Variants in FNIP1 observed in about 807,000 individuals in gnomAD.
FNIP1 encodes folliculin interacting protein 1, also known as folliculin-interacting protein 1.
A neutral mutation model predicts 124.5 loss-of-function variants in FNIP1; 40 were observed. The ratio of observed to expected loss-of-function variants is 0.32; its 90% CI spans 0.25 to 0.42. FNIP1 has a LOEUF of 0.42. FNIP1 is among the 10% of genes least tolerant of loss of function. FNIP1 has a pLI of 1.00. For synonymous variants in FNIP1, 472 were observed against 470.6 expected, an observed-to-expected ratio of 1.00 and a Z score of -0.04; for missense variants, 1,176 against 1,403.7, an observed-to-expected ratio of 0.84 and a Z score of 2.59.
intron 5 of FNIP1, among the ~76,000 whole-genome samples, chr5:131,717,894 C>T (rs1241512790): frequency 6.6e-6 from 1 of 151,892 alleles, no homozygotes; most frequent in Non-Finnish European, 1.5e-5. Flanking sequence ...AAAGGATACC[C>T]CCCATGGCCG....
rs568339188 is a variant in FNIP1, at chr5:131,666,952, GAC to G, written c.3108+3509_3108+3510del. ...AAAGAAAGATAAGAATGCATTAGAAGACACAGAGTGCATTAGAAGAACTCATA... is the reference window on the plus strand; with the variant it reads ...AAAGAAAGATAAGAATGCATTAGAAGACAGAGTGCATTAGAAGAACTCATA... On this transcript the variant is annotated intron_variant, in intron 15 of 17. Transcript: ENST00000510461. Among the ~76,000 whole-genome samples, 155 of 152,216 alleles carry G rather than the reference GAC, an allele frequency of 1.0e-3. 2 individuals are homozygous for G. In the South Asian group the frequency reaches 0.031, roughly 30 times the overall value.
intron 1 of FNIP1, among the ~76,000 whole-genome samples, chr5:131,769,233 CAATA>C (rs1313827360): frequency 6.6e-6 from 1 of 152,064 alleles, no homozygotes; most frequent in African/African-American, 2.4e-5. Context: ...TATTTTAAAA[CAATA>C]ATTAATACTT....
rs1217263380 is a variant in FNIP1, at chr5:131,709,187, G to A, written c.778+14C>T. ...TAATCTCATAAAAAACTGAATACAA[G>A]AACGTGACATTACCAGACCGTGCTA... is the stretch of plus-strand genomic sequence containing the variant. On this transcript the variant is annotated intron_variant, in intron 8 of 17. Coordinates refer to ENST00000510461, the MANE Select transcript of FNIP1 (RefSeq NM_133372.3). 1 of 1,609,088 alleles carries A rather than the reference G, an allele frequency of 6.2e-7. No individual in the cohort carries two copies. Among genetic ancestry groups the A allele is most frequent in the Non-Finnish European group, 8.5e-7 (1 of 1,176,088 alleles).
At chr5:131,655,366 T>C (rs139796195) in intron 15 of FNIP1, among the ~76,000 whole-genome samples, 4 of 152,146 alleles carry the variant, frequency 2.6e-5, no homozygotes, top group African/African-American at 9.6e-5. Context: ...AACAAAAAAA[T>C]GTAGGTAGTA....
chr5:131,731,299 C>T (rs1435795001), intron 2 of FNIP1, among the ~76,000 whole-genome samples: 1 of 152,080 alleles, frequency 6.6e-6, no homozygotes, highest in Non-Finnish European at 1.5e-5. Flanking sequence ...ACGGCCTATA[C>T]GATGTTCATT....
chr5:131,770,310 T>C (rs1771586128), intron 1 of FNIP1, among the ~76,000 whole-genome samples: 1 of 152,200 alleles, frequency 6.6e-6, no homozygotes, highest in African/African-American at 2.4e-5. Flanking sequence ...TTTTAATTTA[T>C]AAACCTCAAT....
At chr5:131,769,992 G>A (rs1029151635) in intron 1 of FNIP1, among the ~76,000 whole-genome samples, 1 of 152,166 alleles carries the variant, frequency 6.6e-6, no homozygotes, top group Non-Finnish European at 1.5e-5. Flanking sequence ...GAGTGCTCAG[G>A]CAACCAATGG....
chr5:131,732,948 T>C (rs1348760504), intron 2 of FNIP1, among the ~76,000 whole-genome samples: 1 of 152,230 alleles, frequency 6.6e-6, no homozygotes, highest in African/African-American at 2.4e-5. Flanking sequence ...ATATTGATTC[T>C]TTCTATCCAT....
rs1394833269 is a variant in FNIP1 at position 131,728,199 on chromosome 5, AT to A, written c.354+2704del. The stretch of plus-strand genomic sequence containing the variant: ...GCAGTATCTTTGTTGTGTTCTCTGT[AT>A]TTCCTGAATTTTAATGTTAGCCTGT... On this transcript the variant is annotated intron_variant, in intron 3 of 17. Transcript: ENST00000510461. 2.0e-5 allele frequency among the ~76,000 whole-genome samples: 3 copies of A among 151,982 alleles called. No homozygotes were observed. In the East Asian group the frequency reaches 5.8e-4, roughly 29 times the overall value.
intron 11 of FNIP1, among the ~76,000 whole-genome samples, chr5:131,688,328 C>A (rs962633407): frequency 6.6e-6 from 1 of 150,814 alleles, no homozygotes; most frequent in Non-Finnish European, 1.5e-5. Context: ...AGTGAGGCTT[C>A]TGGCACCTAC....
At chr5:131,667,721 T>TG (rs1272559323) in intron 15 of FNIP1, among the ~76,000 whole-genome samples, 1 of 152,216 alleles carries the variant, frequency 6.6e-6, no homozygotes. Flanking sequence ...CCCAAGCAGC[T>TG]GGGATTACAG....
At chr5:131,775,674 T>C (rs940272935) in intron 1 of FNIP1, among the ~76,000 whole-genome samples, 5 of 151,780 alleles carry the variant, frequency 3.3e-5, no homozygotes, top group Non-Finnish European at 2.9e-5. Flanking sequence ...ATTGTAGGCG[T>C]CCGCCACCAC....
chr5:131,678,066 G>A (rs1430920444), intron 12 of FNIP1, among the ~76,000 whole-genome samples, 194 bp from the exon 13 acceptor site: 1 of 152,114 alleles, frequency 6.6e-6, no homozygotes, highest in African/African-American at 2.4e-5. Flanking sequence ...TGGTTGAGGA[G>A]GAGTTAAAAA....
chr5:131,693,346 A>ATATATATATG (rs1768574541), intron 11 of FNIP1, among the ~76,000 whole-genome samples: 3 of 131,826 alleles, frequency 2.3e-5, no homozygotes, highest in Non-Finnish European at 3.2e-5. Flanking sequence ...ATATATATAT[A>ATATATATATG]TATATATATA....
At chr5:131,752,354 T>C (rs1241922408) in intron 1 of FNIP1, among the ~76,000 whole-genome samples, 3 of 152,158 alleles carry the variant, frequency 2.0e-5, no homozygotes, top group Admixed American at 6.5e-5. Context: ...TGAATTTGTA[T>C]TCTTTGTTAA....
chr5:131,752,576 C>T (rs1325981456), intron 1 of FNIP1, among the ~76,000 whole-genome samples: 3 of 143,994 alleles, frequency 2.1e-5, no homozygotes, highest in East Asian at 4.0e-4. Flanking sequence ...GATTGGAAGA[C>T]AATATTTGCA....
At chr5:131,666,599 A>C (rs1306794406) in intron 15 of FNIP1, among the ~76,000 whole-genome samples, 1 of 152,194 alleles carries the variant, frequency 6.6e-6, no homozygotes, top group Non-Finnish European at 1.5e-5. Context: ...TTCCCCATCT[A>C]TGTAACTTAA....
In FNIP1 at chr5:131,752,137, C is replaced by T. The variant is rs556464857; in HGVS notation, c.93-7447G>A. Among the ~76,000 whole-genome samples the T allele has an allele frequency of 6.6e-5, 10 of 152,130 alleles. No homozygotes were observed. In the East Asian group the frequency reaches 1.2e-3, roughly 18 times the overall value. ...TGGCTCACTGCAAGCTCCGCCTCTCCGGTTCGCGCCATTCTCCTGCCTCAG... is the reference window on the plus strand; with the variant it reads ...TGGCTCACTGCAAGCTCCGCCTCTCTGGTTCGCGCCATTCTCCTGCCTCAG... On this transcript the variant is annotated intron_variant, in intron 1 of 17. Coordinates refer to ENST00000510461, the MANE Select transcript of FNIP1 (RefSeq NM_133372.3).
At chr5:131,645,687 G>A (rs1191770622) in intron 17 of FNIP1, among the ~76,000 whole-genome samples, 1 of 152,058 alleles carries the variant, frequency 6.6e-6, no homozygotes, top group Admixed American at 6.6e-5. Context: ...TCTATTTCAA[G>A]GAATTTATCC....
Sources: gnomAD v4.1 joint callset for allele counts (sites outside exome capture counted in the v4.1 genomes callset) on GRCh38, gnomAD v4.1.1 for gene constraint, MANE v1.5 for transcripts, NCBI Gene and HGNC (gene_info 2026-07-23, HGNC 2026-07-21) for gene names.